SRGAP3: variants seen among roughly 807,000 people sequenced by gnomAD.
SRGAP3 encodes the protein SLIT-ROBO Rho GTPase activating protein 3, also known as SLIT-ROBO Rho GTPase-activating protein 3.
Under a neutral mutation model 121.1 loss-of-function variants are expected in SRGAP3, and 39 were observed. The ratio of observed to expected loss-of-function variants is 0.32; its 90% CI spans 0.25 to 0.42. The LOEUF is 0.42. Ranked by LOEUF, SRGAP3 falls within the 10% of genes least tolerant of loss-of-function variation. The pLI is 1.00. For synonymous variants in SRGAP3, 601 were observed against 570.0 expected, an observed-to-expected ratio of 1.05 and a Z score of -0.77; for missense variants, 1,213 against 1,470.6, an observed-to-expected ratio of 0.82 and a Z score of 2.86.
chr3:9,028,440 G>T (rs1944318101), intron 12 of SRGAP3, among the ~76,000 whole-genome samples: 1 of 152,132 alleles, frequency 6.6e-6, no homozygotes, highest in Non-Finnish European at 1.5e-5. Flanking sequence ...CAACTGTGTG[G>T]ACTGGACCCA....
At chr3:9,162,687 G>A (rs567247730) in intron 1 of SRGAP3, among the ~76,000 whole-genome samples, 1 of 152,344 alleles carries the variant, frequency 6.6e-6, no homozygotes, top group Admixed American at 6.5e-5. Flanking sequence ...AAGCACCAAG[G>A]GTGGGCAAGG....
chr3:9,297,257 C>G (rs1207220888), intron 3 of SRGAP3, among the ~76,000 whole-genome samples: 1 of 152,144 alleles, frequency 6.6e-6, no homozygotes, highest in Non-Finnish European at 1.5e-5. Context: ...AAATACAAAG[C>G]TATGCAGGCC....
intron 1 of SRGAP3, among the ~76,000 whole-genome samples, chr3:9,130,046 G>A (rs1173666030): frequency 1.3e-5 from 2 of 152,082 alleles, no homozygotes; most frequent in Non-Finnish European, 2.9e-5. Context: ...ACAAGCATGA[G>A]CCACCACGCC....
Position 9,025,123 on chromosome 3 carries a change from G to A in SRGAP3, c.1678+138C>T, listed in dbSNP as rs971555259. 4 of 852,146 alleles carry A rather than the reference G, an allele frequency of 4.7e-6. No individual in the cohort carries two copies. In the East Asian group the frequency reaches 7.4e-5, roughly 16 times the overall value. 52.8% of individuals were successfully genotyped at this position (852,146 alleles called of 1,614,324 possible). ...CCAGGACAAAGGCACTGCATGTGAA[G>A]TTGGGAAGAGATGTGCACAATCAGC... On this transcript the variant is annotated intron_variant, in intron 14 of 21. Coordinates refer to ENST00000383836, the MANE Select transcript of SRGAP3 (RefSeq NM_014850.4).
intron 1 of SRGAP3, among the ~76,000 whole-genome samples, chr3:9,179,252 T>C (rs1352933036): frequency 6.6e-6 from 1 of 152,234 alleles, no homozygotes; most frequent in Non-Finnish European, 1.5e-5. Context: ...TAGGTCGAGA[T>C]GCACAACTGG....
At chr3:9,230,473 C>G (rs918160340) in intron 1 of SRGAP3, among the ~76,000 whole-genome samples, 1 of 152,160 alleles carries the variant, frequency 6.6e-6, no homozygotes, top group Non-Finnish European at 1.5e-5. Flanking sequence ...GGATGACAAT[C>G]GTACCCCCAT....
intron 3 of SRGAP3, among the ~76,000 whole-genome samples, chr3:9,290,618 C>G (rs1366852362): frequency 2.0e-5 from 3 of 152,204 alleles, no homozygotes; most frequent in Non-Finnish European, 4.4e-5. Flanking sequence ...AAGCTCTACC[C>G]TCTTCAGAAT....
At chr3:9,259,223 A>T (rs1954201427) in intron 3 of SRGAP3, among the ~76,000 whole-genome samples, 1 of 151,208 alleles carries the variant, frequency 6.6e-6, no homozygotes, top group African/African-American at 2.4e-5. Flanking sequence ...CTTTTTTTTC[A>T]TATGGCTACC....
chr3:9,010,034 G>A (rs1158489513), intron 18 of SRGAP3, among the ~76,000 whole-genome samples: 1 of 152,154 alleles, frequency 6.6e-6, no homozygotes, highest in African/African-American at 2.4e-5. Flanking sequence ...TTTGTACCTG[G>A]GCCAGGCAGG....
chr3:9,267,799 C>T (rs967710094), intron 3 of SRGAP3, among the ~76,000 whole-genome samples: 14 of 152,082 alleles, frequency 9.2e-5, no homozygotes, highest in Admixed American at 9.2e-4. Flanking sequence ...GTATCAGGTA[C>T]CCTAAAAATT....
intron 11 of SRGAP3, chr3:9,037,035 C>T (rs1294310403): frequency 6.6e-6 from 1 of 152,136 alleles, no homozygotes; most frequent in Non-Finnish European, 1.5e-5. Context: ...CTGAAAACCC[C>T]AGAGGTTGCC....
chr3:9,163,106 C>CA (rs2125080687), intron 1 of SRGAP3, among the ~76,000 whole-genome samples: 1 of 152,350 alleles, frequency 6.6e-6, no homozygotes, highest in South Asian at 2.1e-4. Context: ...GGGACACAGT[C>CA]AGTGTTCAAT....
chr3:9,259,824 T>TA (rs2125255499), intron 3 of SRGAP3, among the ~76,000 whole-genome samples: 1 of 138,914 alleles, frequency 7.2e-6, no homozygotes, highest in South Asian at 2.6e-4. Flanking sequence ...ATTTAATGAG[T>TA]TTAAATCTAA....
At chr3:9,261,977 A>T (rs1954265976) in intron 3 of SRGAP3, among the ~76,000 whole-genome samples, 1 of 152,078 alleles carries the variant, frequency 6.6e-6, no homozygotes, top group South Asian at 2.1e-4. Flanking sequence ...CGGGTTACCT[A>T]CAAAGGGAAG....
Position 9,164,299 on chromosome 3 carries a change from T to C in SRGAP3, c.68-39382A>G, listed in dbSNP as rs1287717856. Among the ~76,000 whole-genome samples, 6 of 151,536 alleles carry C rather than the reference T, an allele frequency of 4.0e-5. No individual in the cohort carries two copies. The South Asian group carries it at 6.3e-4, about 16-fold the overall frequency. ...TATTTTATTTATTTATTTATTTATT[T>C]ATTTATTTTGAGATGGAGTCTCACT... On this transcript the variant is annotated intron_variant, in intron 1 of 21. Transcript: ENST00000383836.
intron 3 of SRGAP3, among the ~76,000 whole-genome samples, chr3:9,094,327 G>A (rs1244769062): frequency 6.6e-6 from 1 of 152,046 alleles, no homozygotes; most frequent in Admixed American, 6.6e-5. Context: ...TATTGTATAA[G>A]ATTCCATGGT....
At chr3:8,987,427 AT>A (rs112298946) in intron 21 of SRGAP3, among the ~76,000 whole-genome samples, 4,862 of 151,986 alleles carry the variant, frequency 0.032, 271 homozygotes, top group African/African-American at 0.11. Flanking sequence ...CCTAAAAAAA[AT>A]AAATAAAAAG....
chr3:9,190,194 C>T (rs1951709329), intron 1 of SRGAP3, among the ~76,000 whole-genome samples: 2 of 152,182 alleles, frequency 1.3e-5, no homozygotes, highest in South Asian at 2.1e-4. Context: ...ATTACACCAA[C>T]ACATACAAAG....
intron 3 of SRGAP3, among the ~76,000 whole-genome samples, chr3:9,283,829 C>T (rs1954722355): frequency 1.3e-5 from 2 of 152,140 alleles, no homozygotes; most frequent in African/African-American, 4.8e-5. Context: ...CAAACAAGCA[C>T]AAATTCTTAA....
Sources: allele counts gnomAD v4.1 joint callset (sites outside exome capture counted in the v4.1 genomes callset), GRCh38; gene constraint gnomAD v4.1.1; transcripts MANE v1.5; gene names NCBI Gene and HGNC (gene_info 2026-07-23, HGNC 2026-07-21).